The following S100Z variants were observed in gnomAD, a reference collection of about 807,000 sequenced individuals.
S100Z encodes the protein S100 calcium binding protein Z.
Under a neutral mutation model 8.5 loss-of-function variants are expected in S100Z, and 11 were observed. The ratio of observed to expected loss-of-function variants is 1.30; its 90% CI spans 0.82 to 2.15. The LOEUF (loss-of-function observed/expected upper bound fraction) is 2.15, where lower values mean the gene tolerates loss of function less well. S100Z is among the 30% of genes most tolerant of loss of function. The pLI, the probability that S100Z is intolerant of heterozygous loss-of-function variation, is 0.00. For missense variants in S100Z, 126 were observed against 117.9 expected (o/e 1.07, Z -0.32); for synonymous variants, 34 against 43.8 (o/e 0.78, Z 0.89).
rs1042890652 is a variant in S100Z at position 76,875,190 on chromosome 5, C to T, written c.-56-114C>T. On this transcript the variant is annotated intron_variant, in intron 2 of 4. Coordinates refer to ENST00000317593, the MANE Select transcript of S100Z (RefSeq NM_130772.4). ...ACAGGCTTGAGCCACCGCGCCTGCG[C>T]AGACTATTATGTTTTTAACAACCAT... 5.1e-6 allele frequency: 3 copies of T among 585,190 alleles called. No homozygotes were observed. The African/African-American group carries it at 5.7e-5, about 11-fold the overall frequency. 36.2% of individuals were successfully genotyped at this position (585,190 alleles called of 1,614,324 possible). A position where few individuals can be genotyped will look rare whatever the true frequency, so the allele number is the denominator to read the frequency against.
intron 1 of S100Z, among the ~76,000 whole-genome samples, chr5:76,869,877 G>T (rs2150633579): frequency 6.6e-6 from 1 of 152,188 alleles, no homozygotes; most frequent in East Asian, 1.9e-4. Context: ...AAAATAATTA[G>T]CCCAGCGTGG....
chr5:76,922,616 T>C (rs923421177), downstream of S100Z, among the ~76,000 whole-genome samples: 11 of 152,166 alleles, frequency 7.2e-5, 1 homozygote, highest in South Asian at 6.2e-4. Flanking sequence ...CTCCGCCTCC[T>C]GGGTTCATGC....
intron 4 of S100Z, among the ~76,000 whole-genome samples, chr5:76,910,301 C>T (rs1473246126): frequency 1.3e-5 from 2 of 152,168 alleles, no homozygotes; most frequent in Non-Finnish European, 2.9e-5. Context: ...CAGGAGAAAG[C>T]TCCAAAAGCA....
chr5:76,915,196 C>T (rs530898652), intron 4 of S100Z, among the ~76,000 whole-genome samples: 5 of 151,470 alleles, frequency 3.3e-5, no homozygotes, highest in Non-Finnish European at 7.4e-5. Context: ...GTCCCAGCTA[C>T]TCGGGAGGCT....
At chr5:76,862,510 G>T (rs1751089326) in intron 1 of S100Z, among the ~76,000 whole-genome samples, 2 of 152,092 alleles carry the variant, frequency 1.3e-5, no homozygotes. Context: ...ATAAGACCCT[G>T]AGGAGCCACC....
At chr5:76,868,246 G>A (rs1056841837) in intron 1 of S100Z, among the ~76,000 whole-genome samples, 1 of 152,138 alleles carries the variant, frequency 6.6e-6, no homozygotes, top group African/African-American at 2.4e-5. Context: ...TGCATTCTGG[G>A]AATTAGAGGG....
chr5:76,942,409 G>A, the S100Z span, among the ~76,000 whole-genome samples: 1 of 123,612 alleles, frequency 8.1e-6, no homozygotes, highest in Non-Finnish European at 1.6e-5. Flanking sequence ...ACCATACCTA[G>A]CCCAGTATAG....
chr5:76,939,673 C>T, the S100Z span, among the ~76,000 whole-genome samples: 6 of 151,292 alleles, frequency 4.0e-5, no homozygotes, highest in South Asian at 2.1e-4. Flanking sequence ...CCACCACACC[C>T]GGCTAATTTT....
rs141730592 is a variant in S100Z at position 76,851,941 on chromosome 5, A to T, written c.-176+1786A>T. Among the ~76,000 whole-genome samples the T allele has an allele frequency of 4.3e-3, 652 of 152,154 alleles. 5 individuals are homozygous for T. The highest frequency in any genetic ancestry group is 0.014 in the African/African-American group (582 of 41,500). On this transcript the variant is annotated intron_variant, in intron 1 of 4. Transcript: ENST00000317593. Reference sequence around the variant, plus strand: ...CAGCATTCGCTGAATTTCCTGTTTGAGTTGTCCTGCAGTCTTATGTTTGTC... The same window carrying T: ...CAGCATTCGCTGAATTTCCTGTTTGTGTTGTCCTGCAGTCTTATGTTTGTC...
intron 2 of S100Z, 60 bp from the exon 3 acceptor site, chr5:76,875,244 T>C (rs1743145833): frequency 8.8e-6 from 8 of 909,896 alleles, no homozygotes; most frequent in Non-Finnish European, 1.3e-5. Context: ...ACTCGGGGGA[T>C]TGTAATATTC....
At chr5:76,889,094 A>G (rs1365652746) in intron 4 of S100Z, among the ~76,000 whole-genome samples, 1 of 152,164 alleles carries the variant, frequency 6.6e-6, no homozygotes, top group Non-Finnish European at 1.5e-5. Context: ...TATGCAAATC[A>G]AGCACCGCCT....
chr5:76,951,499 G>A, the S100Z span, among the ~76,000 whole-genome samples: 13 of 152,328 alleles, frequency 8.5e-5, no homozygotes, highest in East Asian at 1.9e-3. Context: ...CAGGCCAAGG[G>A]CTGTGGCTAC....
chr5:76,919,841 T>A (rs531012396), intron 4 of S100Z, among the ~76,000 whole-genome samples: 1 of 151,954 alleles, frequency 6.6e-6, no homozygotes, highest in Admixed American at 6.6e-5. Flanking sequence ...TGGGCTCAAG[T>A]GATCCTTCTG....
the S100Z span, among the ~76,000 whole-genome samples, chr5:76,940,321 G>A: frequency 4.5e-4 from 69 of 152,302 alleles, no homozygotes; most frequent in Non-Finnish European, 7.5e-4. Flanking sequence ...GCAGCCTGGT[G>A]GAGATGGGAT....
At chr5:76,888,870 A>G (rs1209868606) in intron 4 of S100Z, among the ~76,000 whole-genome samples, 1 of 152,212 alleles carries the variant, frequency 6.6e-6, no homozygotes, top group East Asian at 1.9e-4. Flanking sequence ...TGAAAATGCC[A>G]GCTGTTAGAA....
chr5:76,875,081 C>CG (rs1323463340), intron 2 of S100Z, among the ~76,000 whole-genome samples: 8 of 151,950 alleles, frequency 5.3e-5, no homozygotes, highest in African/African-American at 1.9e-4. Context: ...TTAGTAGAGA[C>CG]GGGGTTTCAC....
rs76585498 is a variant in S100Z at position 76,887,524 on chromosome 5, C to T, written c.*2+9690C>T. On this transcript the variant is annotated intron_variant, in intron 4 of 4. Transcript: ENST00000317593. ...AAGCAATTCTCATGCCTCAGCCTCC[C>T]GAGTAGCTGGGATCACAGGCACACC... is the stretch of plus-strand genomic sequence containing the variant. Among the ~76,000 whole-genome samples the T allele has an allele frequency of 1.6e-3, 235 of 151,484 alleles. 3 individuals are homozygous for T. In the East Asian group the frequency reaches 0.031, roughly 20 times the overall value.
intron 1 of S100Z, among the ~76,000 whole-genome samples, chr5:76,869,347 TG>T (rs111878752): frequency 0.031 from 4,778 of 151,858 alleles, 239 homozygotes; most frequent in African/African-American, 0.11. Flanking sequence ...CTATCAGAGA[TG>T]GGGGGATGTG....
chr5:76,859,140 C>A (rs1243415282), intron 1 of S100Z, among the ~76,000 whole-genome samples: 1 of 152,030 alleles, frequency 6.6e-6, no homozygotes, highest in African/African-American at 2.4e-5. Flanking sequence ...TGATGATAAT[C>A]TGAAAGATTA....
Sources: gnomAD v4.1 joint callset for allele counts (sites outside exome capture counted in the v4.1 genomes callset) on GRCh38, gnomAD v4.1.1 for gene constraint, MANE v1.5 for transcripts, NCBI Gene and HGNC (gene_info 2026-07-23, HGNC 2026-07-21) for gene names.